The following ACSL6 variants were observed in gnomAD, a reference collection of about 807,000 sequenced individuals.
The protein encoded by ACSL6 is acyl-CoA synthetase long chain family member 6, also known as long-chain-fatty-acid--CoA ligase 6.
In ACSL6, 47 loss-of-function variants were observed where a neutral mutation model predicts 98.2. That is an observed-to-expected ratio of 0.48 (90% CI 0.38 to 0.61). The LOEUF (loss-of-function observed/expected upper bound fraction) is 0.61. Among genes scored for constraint, ACSL6 ranks in the 20% least tolerant of loss-of-function variants. ACSL6 has a pLI of 0.00. For missense variants in ACSL6, 761 were observed against 913.4 expected (o/e 0.83, Z 2.15); for synonymous variants, 362 against 336.9 (o/e 1.07, Z -0.82).
chr5:131,952,372 T>A lies in ACSL6; in HGVS notation c.*1862A>T, dbSNP rs926523857. The A allele has an allele frequency of 2.4e-5, 5 of 205,118 alleles. No individual in the cohort carries two copies. The highest frequency in any genetic ancestry group is 9.1e-5 in the African/African-American group (4 of 43,926). The allele number at this position is 205,118 out of a possible 1,614,324, so 12.7% of individuals were successfully genotyped here. A position where few individuals can be genotyped will look rare whatever the true frequency, so the allele number is the denominator to read the frequency against. On this transcript the variant is annotated 3_prime_UTR_variant, in exon 21 of 21. Coordinates refer to ENST00000651883, the MANE Select transcript of ACSL6 (RefSeq NM_001009185.3). The stretch of plus-strand genomic sequence containing the variant: ...TACATCAAATGAAACAGTGATTCAC[T>A]TTTGACAAGACTGAAATATAAGTAT...
At chr5:131,989,063 G>T (rs986385039) in intron 5 of ACSL6, among the ~76,000 whole-genome samples, 159 bp from the exon 6 acceptor site, 1 of 152,166 alleles carries the variant, frequency 6.6e-6, no homozygotes, top group Non-Finnish European at 1.5e-5. Context: ...CAGCCTTCTG[G>T]ACCAGGCCTG....
intron 5 of ACSL6, among the ~76,000 whole-genome samples, 198 bp downstream of exon 5, chr5:131,989,209 G>C (rs1047370799): frequency 6.6e-6 from 1 of 152,106 alleles, no homozygotes; most frequent in African/African-American, 2.4e-5. Flanking sequence ...GCTGGGTGGG[G>C]TGTGGATGGA....
chr5:131,972,541 C>T (rs1324602153), intron 13 of ACSL6, among the ~76,000 whole-genome samples, 183 bp downstream of exon 13: 2 of 152,108 alleles, frequency 1.3e-5, no homozygotes, highest in Non-Finnish European at 2.9e-5. Flanking sequence ...TGTAACGTAT[C>T]TCCAAAAATC....
intron 17 of ACSL6, among the ~76,000 whole-genome samples, chr5:131,965,692 A>G (rs1030248540): frequency 1.3e-5 from 2 of 152,218 alleles, no homozygotes; most frequent in African/African-American, 4.8e-5. Context: ...ACTGCACTCC[A>G]GTCTGGGTGA....
At chr5:131,990,582 A>G (rs920889342) in intron 3 of ACSL6, among the ~76,000 whole-genome samples, 4 of 152,184 alleles carry the variant, frequency 2.6e-5, no homozygotes, top group East Asian at 1.9e-4. Flanking sequence ...CTGGCAGTTC[A>G]AGGCTCCCCA....
At chr5:131,968,099 C>T in intron 15 of ACSL6, 71 bp from the exon 16 acceptor site, 4 of 1,396,758 alleles carry the variant, frequency 2.9e-6, no homozygotes, top group Middle Eastern at 1.8e-4. Context: ...GTTCCAAGCC[C>T]CTTAAAATCT....
At position 131,985,257 on chromosome 5, in the gene ACSL6, G is replaced by A. The variant is rs1435395532; in HGVS notation, c.916+150C>T. 1.4e-5 allele frequency: 13 copies of A among 903,150 alleles called. No individual in the cohort carries two copies. In the South Asian group the frequency reaches 1.7e-4, roughly 12 times the overall value. The allele number at this position is 903,150 out of a possible 1,614,324, so 55.9% of individuals were successfully genotyped here. A position where few individuals can be genotyped will look rare whatever the true frequency, so the allele number is the denominator to read the frequency against. ...CCACTCTTATGCAGGGCACTGGGAG[G>A]TGCAGGAGGTCACCCAGTGTCTGGA... On this transcript the variant is annotated intron_variant, in intron 9 of 20. Transcript: ENST00000651883.
chr5:131,968,344 G>C, intron 15 of ACSL6: 1 of 228,922 alleles, frequency 4.4e-6, no homozygotes, highest in Non-Finnish European at 8.5e-6. Context: ...ACAGGGTCAA[G>C]ATTTTTGAAA....
At chr5:131,954,408 T>A (rs1752290008) in intron 20 of ACSL6, 37 bp from the exon 21 acceptor site, 1 of 1,602,618 alleles carries the variant, frequency 6.2e-7, no homozygotes, top group African/African-American at 1.3e-5. Flanking sequence ...TTAACAGGAA[T>A]AGAACACAGT....
intron 1 of ACSL6, among the ~76,000 whole-genome samples, chr5:131,995,891 C>G (rs1354626609): frequency 6.6e-6 from 1 of 152,200 alleles, no homozygotes; most frequent in Non-Finnish European, 1.5e-5. Context: ...CTGGCATATT[C>G]AGAGGACTAA....
chr5:131,966,651 T>C (rs1169728790), intron 16 of ACSL6, 119 bp from the exon 17 acceptor site: 6 of 843,098 alleles, frequency 7.1e-6, no homozygotes, highest in East Asian at 4.9e-5. Flanking sequence ...ACTGTGGATA[T>C]GGCAGGGATG....
At chr5:131,959,738 G>A in intron 19 of ACSL6, 131 bp from the exon 20 acceptor site, 1 of 790,124 alleles carries the variant, frequency 1.3e-6, no homozygotes, top group Non-Finnish European at 2.1e-6. Context: ...GCCCGCAACT[G>A]AGGCTGATAC....
chr5:131,961,651 T>C (rs1241866783), intron 18 of ACSL6, among the ~76,000 whole-genome samples: 1 of 151,980 alleles, frequency 6.6e-6, no homozygotes, highest in Non-Finnish European at 1.5e-5. Context: ...GAGCCGAGAT[T>C]GTGCCACTGC....
chr5:131,974,544 T>A (rs1024377040), intron 11 of ACSL6, among the ~76,000 whole-genome samples: 1 of 152,164 alleles, frequency 6.6e-6, no homozygotes, highest in Non-Finnish European at 1.5e-5. Context: ...AGTGTGTCCA[T>A]GGGTAAGACA....
chr5:131,951,189 CT>C lies in ACSL6; in HGVS notation c.*3044del. On this transcript the variant is annotated 3_prime_UTR_variant, in exon 21 of 21. Coordinates refer to ENST00000651883, the MANE Select transcript of ACSL6 (RefSeq NM_001009185.3). ...CCAAACATTTAAGAACATATTTACA[CT>C]TAAGGAACTGATTATCTGTTATACT... 9.5e-6 allele frequency: 2 copies of C among 210,468 alleles called. No homozygotes were observed. Among genetic ancestry groups the C allele is most frequent in the Non-Finnish European group, 1.9e-5 (2 of 103,714 alleles). 13.0% of individuals were successfully genotyped at this position (210,468 alleles called of 1,614,324 possible). A position where few individuals can be genotyped will look rare whatever the true frequency, so the allele number is the denominator to read the frequency against.
chr5:131,971,621 T>A lies in ACSL6; in HGVS notation c.1363A>T (p.Met455Leu). 6.8e-6 allele frequency: 11 copies of A among 1,611,994 alleles called. No homozygotes were observed. The highest frequency in any genetic ancestry group is 9.3e-6 in the Non-Finnish European group (11 of 1,178,902). ...GCTGGGGCTGCTCCAGTAACAATCA[T>A]CCGCACACACCCACCAAGACTGGCC... is the stretch of plus-strand genomic sequence containing the variant. The part of the protein sequence containing the change: ...IQASLGGCVR[M>L]IVTGAAPASP... The change falls in exon 14 of 21, where the codon ATG becomes TTG. Residue 455 changes from methionine (M) to leucine (L), a missense_variant. Coordinates refer to ENST00000651883, the MANE Select transcript of ACSL6 (RefSeq NM_001009185.3).
chr5:131,990,288 G>C, intron 3 of ACSL6, 124 bp from the exon 4 acceptor site: 1 of 898,550 alleles, frequency 1.1e-6, no homozygotes, highest in Admixed American at 2.1e-5. Context: ...CAAGTGAACT[G>C]CCCTCCTGCA....
At chr5:131,972,923 AGG>A in intron 12 of ACSL6, 65 bp from the exon 13 acceptor site, 1 of 1,610,004 alleles carries the variant, frequency 6.2e-7, no homozygotes, top group African/African-American at 1.3e-5. Context: ...TATATCCCCC[AGG>A]AATAAGGCCC....
At chr5:131,968,615 G>A (rs1753147739) in intron 15 of ACSL6, among the ~76,000 whole-genome samples, 1 of 152,186 alleles carries the variant, frequency 6.6e-6, no homozygotes, top group Non-Finnish European at 1.5e-5. Context: ...GGAAAGCTGG[G>A]ATGAAGAAAC....
Sources: gnomAD v4.1 joint callset for allele counts (sites outside exome capture counted in the v4.1 genomes callset) on GRCh38, gnomAD v4.1.1 for gene constraint, MANE v1.5 for transcripts, NCBI Gene and HGNC (gene_info 2026-07-23, HGNC 2026-07-21) for gene names.